Variants in DPP6 observed in about 807,000 individuals in gnomAD.
The protein encoded by DPP6 is dipeptidyl peptidase like 6, also known as A-type potassium channel modulatory protein DPP6.
DPP6 carries 69 observed loss-of-function variants against 122.6 expected under a neutral mutation model. That is an observed-to-expected ratio of 0.56 (90% CI 0.46 to 0.69). DPP6 has a LOEUF of 0.69. Among genes scored for constraint, DPP6 ranks in the 30% least tolerant of loss-of-function variants. The pLI, the probability that DPP6 is intolerant of heterozygous loss-of-function variation, is 0.00. For synonymous variants in DPP6, 418 were observed against 433.1 expected (o/e 0.97, Z 0.43); for missense variants, 928 against 1,116.9 (o/e 0.83, Z 2.41).
At chr7:154,870,448 A>G (rs1804291623) in intron 18 of DPP6, among the ~76,000 whole-genome samples, 1 of 148,224 alleles carries the variant, frequency 6.7e-6, no homozygotes, top group African/African-American at 2.5e-5. Flanking sequence ...CTACAAAAAA[A>G]TACAAAAATT....
chr7:154,204,440 A>T (rs1195146115), intron 1 of DPP6, among the ~76,000 whole-genome samples: 1 of 152,192 alleles, frequency 6.6e-6, no homozygotes, highest in Non-Finnish European at 1.5e-5. Context: ...ATGAGAAGCC[A>T]TTCACCCTTG....
At chr7:154,472,619 C>T (rs2151342010) in intron 2 of DPP6, among the ~76,000 whole-genome samples, 1 of 152,278 alleles carries the variant, frequency 6.6e-6, no homozygotes, top group East Asian at 1.9e-4. Context: ...CAGGGCTCAG[C>T]ATGGTTTGTG....
In DPP6 at chr7:154,803,899, C is replaced by T. The variant is rs755015968; in HGVS notation, c.1443C>T (p.Thr481=). The change falls in exon 14 of 26, where the codon ACC becomes ACT. Residue 481 remains threonine, a synonymous_variant. Coordinates refer to ENST00000377770, the MANE Select transcript of DPP6 (RefSeq NM_130797.4). ...NSSNDNIQSI[T]SGDWDVTKIL... ...GCAACGACAACATCCAGTCCATCAC[C>T]TCCGGGGACTGGGACGTGACCAAGA... 9 of 1,613,962 alleles carry T rather than the reference C, an allele frequency of 5.6e-6. No individual in the cohort carries two copies. In the East Asian group the frequency reaches 1.8e-4, roughly 32 times the overall value.
chr7:154,125,964 C>A (rs976850047), intron 1 of DPP6, among the ~76,000 whole-genome samples: 4 of 152,142 alleles, frequency 2.6e-5, no homozygotes, highest in Admixed American at 6.5e-5. Flanking sequence ...AAATTGTCAT[C>A]TGGAAGAACC....
the DPP6 span, among the ~76,000 whole-genome samples, chr7:153,843,002 A>G: frequency 6.6e-6 from 1 of 151,916 alleles, no homozygotes; most frequent in Non-Finnish European, 1.5e-5. Context: ...GTGCACGCAC[A>G]TACACACATA....
chr7:154,777,854 C>A (rs576990304), intron 10 of DPP6, among the ~76,000 whole-genome samples: 1 of 152,112 alleles, frequency 6.6e-6, no homozygotes, highest in Non-Finnish European at 1.5e-5. Flanking sequence ...CTCCACCACC[C>A]GCTTCCACGG....
At chr7:154,048,853 C>T (rs1445277621), upstream of DPP6, among the ~76,000 whole-genome samples, 1 of 129,612 alleles carries the variant, frequency 7.7e-6, no homozygotes, top group Non-Finnish European at 1.7e-5. Flanking sequence ...CAATGCTTAG[C>T]TTGCAGGTAG....
Position 154,812,713 on chromosome 7 carries a change from T to C in DPP6, c.1666+5601T>C, listed in dbSNP as rs1361772846. Among the ~76,000 whole-genome samples, 3 of 152,166 alleles carry C rather than the reference T, an allele frequency of 2.0e-5. No individual in the cohort carries two copies. The East Asian group carries it at 5.8e-4, about 29-fold the overall frequency. ...TTAATGTATAAATGTGGGGGGGACA[T>C]AAACACTCAGTCCATTGTAATCATA... On this transcript the variant is annotated intron_variant, in intron 16 of 25. Coordinates refer to ENST00000377770, the MANE Select transcript of DPP6 (RefSeq NM_130797.4).
intron 6 of DPP6, among the ~76,000 whole-genome samples, chr7:154,654,094 G>T (rs1245212274): frequency 1.3e-5 from 2 of 152,106 alleles, no homozygotes; most frequent in Non-Finnish European, 2.9e-5. Flanking sequence ...CATTGAATTA[G>T]GGATTATAAG....
chr7:154,031,940 C>T (rs1799258151), intron 1 of DPP6, among the ~76,000 whole-genome samples: 2 of 149,884 alleles, frequency 1.3e-5, no homozygotes, highest in African/African-American at 2.5e-5. Flanking sequence ...CGGCTCACTG[C>T]AAGCTCTGCC....
At chr7:154,422,883 C>T (rs148128991) in intron 1 of DPP6, among the ~76,000 whole-genome samples, 121 of 152,250 alleles carry the variant, frequency 7.9e-4, no homozygotes, top group African/African-American at 2.8e-3. Context: ...AGCTGGCTTG[C>T]AATAAATAAA....
At chr7:153,870,917 C>T in the DPP6 span, among the ~76,000 whole-genome samples, 3 of 152,184 alleles carry the variant, frequency 2.0e-5, no homozygotes, top group Non-Finnish European at 4.4e-5. Context: ...GAGGTCCACT[C>T]CAGACCTTGT....
At chr7:154,856,875 G>A (rs1018030776) in intron 17 of DPP6, among the ~76,000 whole-genome samples, 14 of 152,218 alleles carry the variant, frequency 9.2e-5, no homozygotes, top group South Asian at 2.1e-4. Flanking sequence ...TGGGGCTGGC[G>A]TTACATGCCT....
intron 1 of DPP6, among the ~76,000 whole-genome samples, chr7:154,238,407 T>C (rs1313626864): frequency 6.6e-6 from 1 of 152,216 alleles, no homozygotes; most frequent in African/African-American, 2.4e-5. Flanking sequence ...ATTTTTCTCC[T>C]TAAAAATGAA....
chr7:153,894,311 C>A (rs996893995), intron 1 of DPP6, among the ~76,000 whole-genome samples: 6 of 152,130 alleles, frequency 3.9e-5, no homozygotes, highest in African/African-American at 1.4e-4. Flanking sequence ...AATTCCATGA[C>A]CTCTTTTGGT....
At chr7:153,885,707 C>A (rs539048213), upstream of DPP6, among the ~76,000 whole-genome samples, 1 of 152,256 alleles carries the variant, frequency 6.6e-6, no homozygotes, top group African/African-American at 2.4e-5. Context: ...ACCTAAAGTG[C>A]ACCTACCACT....
At chr7:154,175,609 G>T (rs149801308) in intron 1 of DPP6, among the ~76,000 whole-genome samples, 7 of 152,184 alleles carry the variant, frequency 4.6e-5, no homozygotes, top group African/African-American at 1.4e-4. Context: ...GTTGCCTTAA[G>T]ATGCTCAGCT....
At chr7:154,526,071 T>C (rs1359852238) in intron 3 of DPP6, among the ~76,000 whole-genome samples, 4 of 152,226 alleles carry the variant, frequency 2.6e-5, no homozygotes, top group African/African-American at 9.6e-5. Flanking sequence ...CTCCTACTTT[T>C]TAATCCATTG....
At chr7:154,448,452 T>A (rs939329786) in intron 2 of DPP6, among the ~76,000 whole-genome samples, 2 of 152,140 alleles carry the variant, frequency 1.3e-5, no homozygotes, top group African/African-American at 4.8e-5. Flanking sequence ...TGGAAGTATA[T>A]CTTATATGAA....
Sources: gnomAD v4.1 joint callset for allele counts (sites outside exome capture counted in the v4.1 genomes callset) on GRCh38, gnomAD v4.1.1 for gene constraint, MANE v1.5 for transcripts, NCBI Gene and HGNC (gene_info 2026-07-23, HGNC 2026-07-21) for gene names.